SPHKAP: variants seen among roughly 807,000 people sequenced by gnomAD.
SPHKAP encodes the protein SPHK1 interactor, AKAP domain containing.
A neutral mutation model predicts 137.5 loss-of-function variants in SPHKAP; 67 were observed. That is an observed-to-expected ratio of 0.49 (90% confidence interval 0.40 to 0.60). The LOEUF is 0.60. SPHKAP is among the 20% of genes least tolerant of loss of function. The probability of loss-of-function intolerance (pLI) is 0.00; values close to 1 mark genes in which losing one functional copy is unlikely to be tolerated. For synonymous variants in SPHKAP, 813 were observed against 785.3 expected (o/e 1.04, Z -0.59); for missense variants, 2,097 against 2,069.3 (o/e 1.01, Z -0.26).
intron 1 of SPHKAP, among the ~76,000 whole-genome samples, chr2:228,134,069 AAGAG>A (rs560599850): frequency 3.3e-5 from 5 of 150,400 alleles, no homozygotes; most frequent in African/African-American, 7.3e-5. Context: ...AGGAAAGAAA[AAGAG>A]AGAGAAAGAA....
chr2:228,022,967 A>G (rs980058527), intron 5 of SPHKAP, among the ~76,000 whole-genome samples: 5 of 152,214 alleles, frequency 3.3e-5, no homozygotes, highest in African/African-American at 1.2e-4. Flanking sequence ...TGAAATCCAT[A>G]GGAAGTGAAC....
intron 2 of SPHKAP, among the ~76,000 whole-genome samples, chr2:228,123,534 T>C (rs1167496316): frequency 6.6e-6 from 1 of 152,230 alleles, no homozygotes; most frequent in Non-Finnish European, 1.5e-5. Flanking sequence ...AAACAGCTTC[T>C]ACAAATACAG....
intron 2 of SPHKAP, among the ~76,000 whole-genome samples, chr2:228,115,905 G>A (rs552706886): frequency 7.9e-5 from 12 of 152,248 alleles, no homozygotes; most frequent in Non-Finnish European, 7.4e-5. Context: ...AGGTGATTAG[G>A]TTAAAAGGGC....
At chr2:228,037,211 G>GA (rs988410224) in intron 3 of SPHKAP, among the ~76,000 whole-genome samples, 25 of 151,690 alleles carry the variant, frequency 1.6e-4, no homozygotes, top group Admixed American at 5.9e-4. Context: ...TGATTTCCAT[G>GA]AAAAAAAATG....
intron 1 of SPHKAP, among the ~76,000 whole-genome samples, chr2:228,177,651 G>T (rs1463784908): frequency 6.6e-6 from 1 of 152,034 alleles, no homozygotes; most frequent in African/African-American, 2.4e-5. Context: ...TACAGTATTG[G>T]GTTGTTTGTT....
intron 7 of SPHKAP, among the ~76,000 whole-genome samples, chr2:228,000,983 G>A (rs1276382313): frequency 6.6e-6 from 1 of 152,054 alleles, no homozygotes; most frequent in Admixed American, 6.6e-5. Context: ...AAAAGTGGCT[G>A]CTCCATTCTG....
At chr2:228,173,945 A>T (rs1379633807) in intron 1 of SPHKAP, among the ~76,000 whole-genome samples, 2 of 152,204 alleles carry the variant, frequency 1.3e-5, no homozygotes, top group Admixed American at 6.5e-5. Context: ...ATTGGTCTGC[A>T]TGTTATTGTT....
intron 11 of SPHKAP, among the ~76,000 whole-genome samples, chr2:227,988,964 T>G (rs1178033405): frequency 2.0e-5 from 3 of 152,148 alleles, no homozygotes; most frequent in Non-Finnish European, 4.4e-5. Context: ...TGAAGGGAAG[T>G]GTTAATTACC....
intron 3 of SPHKAP, among the ~76,000 whole-genome samples, chr2:228,047,907 G>C (rs1485409222): frequency 2.6e-5 from 4 of 152,226 alleles, no homozygotes; most frequent in African/African-American, 9.6e-5. Flanking sequence ...AGAAAGACCA[G>C]CTGGGGTTTT....
intron 2 of SPHKAP, chr2:228,109,248 T>G (rs1442202149): frequency 9.5e-6 from 4 of 422,430 alleles, no homozygotes; most frequent in Non-Finnish European, 1.3e-5. Flanking sequence ...TTTGGGGGTA[T>G]GGCTATGTGG....
At chr2:228,098,040 T>A (rs1188529110) in intron 3 of SPHKAP, among the ~76,000 whole-genome samples, 1 of 152,222 alleles carries the variant, frequency 6.6e-6, no homozygotes, top group African/African-American at 2.4e-5. Context: ...CTGTTTTAAT[T>A]TATTTGAGAA....
intron 7 of SPHKAP, among the ~76,000 whole-genome samples, chr2:228,002,047 T>C (rs1308577233): frequency 6.6e-6 from 1 of 152,210 alleles, no homozygotes; most frequent in Non-Finnish European, 1.5e-5. Context: ...CATGTGTTTT[T>C]ATAGCAGCAT....
chr2:228,103,593 G>A (rs12471307), intron 3 of SPHKAP, among the ~76,000 whole-genome samples: 40,248 of 152,038 alleles, frequency 0.26, 5,561 homozygotes, highest in Admixed American at 0.36. Context: ...TCTGCCCTCC[G>A]CAGCCTGCTG....
chr2:228,088,542 A>G (rs950558451), intron 3 of SPHKAP, among the ~76,000 whole-genome samples: 1 of 152,232 alleles, frequency 6.6e-6, no homozygotes, highest in African/African-American at 2.4e-5. Flanking sequence ...ACATATAAAA[A>G]TCAAGAAGTA....
At chr2:228,088,497 G>T (rs1011543224) in intron 3 of SPHKAP, among the ~76,000 whole-genome samples, 4 of 152,138 alleles carry the variant, frequency 2.6e-5, no homozygotes, top group African/African-American at 7.2e-5. Flanking sequence ...AAAGAAAGAA[G>T]TTAAGCAGGA....
At chr2:228,002,139 C>T (rs577182673) in intron 7 of SPHKAP, among the ~76,000 whole-genome samples, 19 of 152,208 alleles carry the variant, frequency 1.2e-4, no homozygotes, top group South Asian at 2.1e-4. Context: ...CCTGAGGAAT[C>T]GCCACACTGA....
chr2:227,991,760 T>C (rs1312203657), intron 9 of SPHKAP: 2 of 750,452 alleles, frequency 2.7e-6, no homozygotes, highest in East Asian at 1.3e-4. Flanking sequence ...TTTTTTTCTA[T>C]ACTACAATAG....
intron 3 of SPHKAP, among the ~76,000 whole-genome samples, chr2:228,104,185 C>A: frequency 6.8e-6 from 1 of 146,510 alleles, no homozygotes. Flanking sequence ...TTTCACAGTT[C>A]TATAATTATT....
intron 2 of SPHKAP, among the ~76,000 whole-genome samples, chr2:228,123,992 A>G (rs1489052907): frequency 6.6e-6 from 1 of 152,074 alleles, no homozygotes; most frequent in Non-Finnish European, 1.5e-5. Flanking sequence ...AATGCTCATC[A>G]TCACTGGCCA....
Sources: allele counts gnomAD v4.1 joint callset (sites outside exome capture counted in the v4.1 genomes callset), GRCh38; gene constraint gnomAD v4.1.1; transcripts MANE v1.5; gene names NCBI Gene and HGNC (gene_info 2026-07-23, HGNC 2026-07-21).